ARSF: variants seen among roughly 807,000 people sequenced by gnomAD.
The protein encoded by ARSF is arylsulfatase F.
ARSF carries 33 observed loss-of-function variants against 35.4 expected under a neutral mutation model. The observed-to-expected ratio is 0.93, with a 90% CI of 0.71 to 1.25. The LOEUF is 1.25. Among genes scored for constraint, ARSF ranks in the 50% most tolerant of loss-of-function variants. ARSF has a pLI of 0.00. For synonymous variants in ARSF, 222 were observed against 193.1 expected (o/e 1.15, Z -1.24); for missense variants, 501 against 480.2 (o/e 1.04, Z -0.40).
intron 9 of ARSF, among the ~76,000 whole-genome samples, chrX:3,109,612 C>T (rs1388273577): frequency 9.1e-6 from 1 of 110,477 alleles, no homozygotes; most frequent in Admixed American, 9.8e-5. Context: ...TTCGGAGCCC[C>T]CCAGTGTCTA....
intron 1 of ARSF, among the ~76,000 whole-genome samples, chrX:3,048,036 T>A (rs1361249223): frequency 9.0e-6 from 1 of 111,095 alleles, no homozygotes; most frequent in Non-Finnish European, 1.9e-5. Flanking sequence ...CTCGTGAGAC[T>A]CATTCACTAC....
At chrX:3,091,347 G>C (rs1162390796) in intron 7 of ARSF, among the ~76,000 whole-genome samples, 5 of 112,611 alleles carry the variant, frequency 4.4e-5, no homozygotes, top group Non-Finnish European at 9.4e-5. Flanking sequence ...TCAGAATCCA[G>C]TACCCTCATG....
chrX:3,095,276 A>G, intron 7 of ARSF, among the ~76,000 whole-genome samples: 1 of 109,733 alleles, frequency 9.1e-6, no homozygotes, highest in Middle Eastern at 4.4e-3. Flanking sequence ...ATTTGTAAAG[A>G]ACAGAATTGC....
At chrX:3,078,790 G>A (rs899298230) in intron 4 of ARSF, among the ~76,000 whole-genome samples, 2 of 111,435 alleles carry the variant, frequency 1.8e-5, no homozygotes, top group Non-Finnish European at 3.8e-5. Context: ...ATGAGCCACC[G>A]TGCCTGGCCA....
intron 1 of ARSF, chrX:3,058,661 TG>T (rs1343541714): frequency 3.1e-6 from 1 of 317,880 alleles, no homozygotes; most frequent in Non-Finnish European, 6.1e-6. Context: ...AAAACCAGCC[TG>T]GGCAATATAG....
chrX:3,070,711 T>G (rs1373841509), intron 2 of ARSF, among the ~76,000 whole-genome samples: 4 of 111,499 alleles, frequency 3.6e-5, no homozygotes, highest in African/African-American at 1.3e-4. Context: ...ATGTGCGGTC[T>G]TTGATCCCTC....
At chrX:3,100,473 G>A (rs1256979871) in intron 7 of ARSF, among the ~76,000 whole-genome samples, 1 of 112,688 alleles carries the variant, frequency 8.9e-6, no homozygotes, top group African/African-American at 3.2e-5. Flanking sequence ...AAATTATCAA[G>A]GAGAATTTGT....
rs1454797699 is a variant in ARSF at position 3,089,514 on chromosome X, C to T, written c.849C>T (p.Phe283=). ...TTCTCAGGCACAGTAAGGAAACTTT[C>T]CTTCTCTTTTTCTCCTTTCTTCACG... ...SFLERHSKET[F]LLFFSFLHVH... The change falls in exon 7 of 11, where the codon TTC becomes TTT. Residue 283 remains phenylalanine (F), a synonymous_variant. Transcript: ENST00000381127. 8.3e-7 allele frequency: 1 copy of T among 1,209,851 alleles called. No homozygotes were observed. The highest frequency in any genetic ancestry group is 1.7e-5 in the African/African-American group (1 of 57,238).
intron 7 of ARSF, among the ~76,000 whole-genome samples, chrX:3,098,324 T>C (rs2147535201): frequency 9.3e-6 from 1 of 107,656 alleles, no homozygotes; most frequent in African/African-American, 3.4e-5. Flanking sequence ...AGAAAGCAAG[T>C]TGAAAACCGT....
At chrX:3,071,486 T>C (rs984478056) in intron 2 of ARSF, among the ~76,000 whole-genome samples, 16 of 110,493 alleles carry the variant, frequency 1.4e-4, no homozygotes, top group Non-Finnish European at 2.6e-4. Context: ...GTACTTTTAG[T>C]AGACACAGAG....
At chrX:3,096,234 T>A (rs1261293116) in intron 7 of ARSF, among the ~76,000 whole-genome samples, 1 of 110,431 alleles carries the variant, frequency 9.1e-6, no homozygotes, top group African/African-American at 3.3e-5. Flanking sequence ...TAAGACCTTT[T>A]CTTTTTGTTA....
chrX:3,048,478 C>A (rs1190319072), intron 1 of ARSF, among the ~76,000 whole-genome samples: 1 of 112,015 alleles, frequency 8.9e-6, no homozygotes, highest in Non-Finnish European at 1.9e-5. Context: ...ACGGAGCCAG[C>A]CTAAATTGTG....
chrX:3,064,049 A>G (rs1303108095), intron 1 of ARSF, among the ~76,000 whole-genome samples: 1 of 111,877 alleles, frequency 8.9e-6, no homozygotes, highest in Non-Finnish European at 1.9e-5. Flanking sequence ...CCTGACTTCA[A>G]ACTATACTAC....
rs147436492 is a variant in ARSF at position 3,064,957 on chromosome X, A to G, written c.-28-3116A>G. On this transcript the variant is annotated intron_variant, in intron 1 of 10. Coordinates refer to ENST00000381127, the MANE Select transcript of ARSF (RefSeq NM_001201539.2). ...ACCCAGTAATCCCATTACTGGGTAT[A>G]TACCCAAAGCATTATAAATCATGCT... 9.4e-3 allele frequency among the ~76,000 whole-genome samples: 1,052 copies of G among 111,704 alleles called. 16 individuals are homozygous for G. The highest frequency in any genetic ancestry group is 0.032 in the African/African-American group (992 of 30,682).
intron 6 of ARSF, among the ~76,000 whole-genome samples, chrX:3,088,865 A>G (rs1192637111): frequency 9.0e-6 from 1 of 111,267 alleles, no homozygotes; most frequent in African/African-American, 3.3e-5. Context: ...CTGTCCTCAA[A>G]CCCATCCTTC....
chrX:3,091,324 A>G (rs1017048114), intron 7 of ARSF, among the ~76,000 whole-genome samples: 4 of 112,599 alleles, frequency 3.6e-5, no homozygotes, highest in African/African-American at 1.3e-4. Flanking sequence ...GGGATTGGGA[A>G]TTAACTGGTA....
At chrX:3,110,016 G>A in intron 9 of ARSF, 112 bp from the exon 10 acceptor site, 6 of 774,047 alleles carry the variant, frequency 7.8e-6, no homozygotes, top group Non-Finnish European at 1.0e-5. Context: ...TCAGTACGCT[G>A]TCCTCTGGAC....
chrX:3,041,227 T>C (rs1450372239), upstream of ARSF, among the ~76,000 whole-genome samples: 1 of 110,957 alleles, frequency 9.0e-6, no homozygotes, highest in African/African-American at 3.3e-5. Context: ...AAGTCCTCTA[T>C]TTTGCTATTT....
At chrX:3,093,130 A>G (rs777519412) in intron 7 of ARSF, among the ~76,000 whole-genome samples, 5 of 111,575 alleles carry the variant, frequency 4.5e-5, no homozygotes, top group Admixed American at 1.9e-4. Flanking sequence ...GCGCCACTGC[A>G]CTCCAGCCTG....
Sources: gnomAD v4.1 joint callset for allele counts (sites outside exome capture counted in the v4.1 genomes callset) on GRCh38, gnomAD v4.1.1 for gene constraint, MANE v1.5 for transcripts, NCBI Gene and HGNC (gene_info 2026-07-23, HGNC 2026-07-21) for gene names.